The following ARHGEF10 variants were observed in gnomAD, a reference collection of about 807,000 sequenced individuals.
ARHGEF10 encodes Rho guanine nucleotide exchange factor (GEF) 10.
A neutral mutation model predicts 147.4 loss-of-function variants in ARHGEF10; 140 were observed. The observed-to-expected ratio is 0.95, with a 90% CI of 0.83 to 1.09. The LOEUF (loss-of-function observed/expected upper bound fraction) is 1.09. ARHGEF10 is among the 50% of genes least tolerant of loss of function. The pLI, the probability that ARHGEF10 is intolerant of heterozygous loss-of-function variation, is 0.00. For missense variants in ARHGEF10, 2,222 were observed against 1,752.7 expected, an observed-to-expected ratio of 1.27 and a Z score of -4.78; for synonymous variants, 902 against 695.8, an observed-to-expected ratio of 1.30 and a Z score of -4.67.
intron 18 of ARHGEF10, among the ~76,000 whole-genome samples, chr8:1,912,506 C>A (rs1206308211): frequency 5.9e-5 from 9 of 151,996 alleles, no homozygotes; most frequent in African/African-American, 2.2e-4. Context: ...AGCTCCCCAT[C>A]CCTGCAAAAG....
At chr8:1,866,100 G>T (rs907344375) in intron 5 of ARHGEF10, among the ~76,000 whole-genome samples, 1 of 152,202 alleles carries the variant, frequency 6.6e-6, no homozygotes, top group Non-Finnish European at 1.5e-5. Flanking sequence ...GGGTGGCCTT[G>T]CATCTCTTTC....
At chr8:1,860,224 T>C (rs553154533) in intron 4 of ARHGEF10, 40 bp downstream of exon 4, 1 of 1,604,946 alleles carries the variant, frequency 6.2e-7, no homozygotes, top group African/African-American at 1.3e-5. Context: ...AAGTGGCCTG[T>C]GGTTCCCTCC....
At chr8:1,849,542 AC>A (rs1804842760) in intron 2 of ARHGEF10, among the ~76,000 whole-genome samples, 1 of 130,890 alleles carries the variant, frequency 7.6e-6, no homozygotes, top group Non-Finnish European at 1.6e-5. Context: ...TGGGGCGGCC[AC>A]GTGGGCATGG....
rs567607534 is a variant in ARHGEF10 at position 1,858,015 on chromosome 8, C to T, written c.93C>T (p.Phe31=). ...NNNEEEEGEQ[F]DFDSGDEIPE... ...ATGAAGAGGAAGAGGGAGAACAGTT[C>T]GATTTTGACAGTGGAGATGAAATCC... Residue 31 remains phenylalanine (F), a synonymous_variant, in exon 3 of 29, where the codon TTC becomes TTT. Coordinates refer to ENST00000349830, the MANE Select transcript of ARHGEF10 (RefSeq NM_014629.4). 29 of 1,613,914 alleles carry T rather than the reference C, an allele frequency of 1.8e-5. No individual in the cohort carries two copies. Among genetic ancestry groups the T allele is most frequent in the Admixed American group, 3.3e-5 (2 of 59,986 alleles).
intron 4 of ARHGEF10, among the ~76,000 whole-genome samples, chr8:1,862,687 G>A (rs1057485159): frequency 6.6e-6 from 1 of 152,212 alleles, no homozygotes; most frequent in African/African-American, 2.4e-5. Context: ...GATTGCTGCT[G>A]GGCAGCACGT....
intron 15 of ARHGEF10, 72 bp downstream of exon 15, chr8:1,898,597 G>T (rs1810208799): frequency 1.4e-6 from 2 of 1,460,394 alleles, no homozygotes; most frequent in Admixed American, 3.5e-5. Context: ...AATGGCGTCT[G>T]TTCCTCCACT....
Position 1,952,729 on chromosome 8 carries a change from G to C in ARHGEF10, c.3422G>C (p.Ser1141Thr), listed in dbSNP as rs772715221. The C allele has an allele frequency of 2.5e-6, 4 of 1,613,130 alleles. No homozygotes were observed. Among genetic ancestry groups the C allele is most frequent in the African/African-American group, 2.7e-5 (2 of 74,944 alleles). ...LPGHQRLSVT[S>T]LLVCHGLLMV... ...GGGCACCAGCGGCTGTCGGTGACGA[G>C]CCTGCTCGTCTGCCACGGATTGCTG... Residue 1141 changes from serine to threonine, a missense_variant, in exon 28 of 29, where the codon AGC becomes ACC. Physicochemically the swap from Ser to Thr is moderately conservative, Grantham distance 58 (BLOSUM62 1). Coordinates refer to ENST00000349830, the MANE Select transcript of ARHGEF10 (RefSeq NM_014629.4).
chr8:1,901,449 G>C (rs1375572397), intron 15 of ARHGEF10, among the ~76,000 whole-genome samples: 2 of 152,228 alleles, frequency 1.3e-5, no homozygotes, highest in East Asian at 1.9e-4. Context: ...CCCTGGCTAT[G>C]CTGGTACTGT....
At chr8:1,955,539 G>A (rs370266520) in intron 28 of ARHGEF10, among the ~76,000 whole-genome samples, 11 of 146,026 alleles carry the variant, frequency 7.5e-5, no homozygotes, top group Admixed American at 2.0e-4. Context: ...CCTGAAAGGA[G>A]GTGCACTCTC....
chr8:1,849,193 A>T (rs189106265), intron 2 of ARHGEF10, among the ~76,000 whole-genome samples: 5 of 152,386 alleles, frequency 3.3e-5, no homozygotes, highest in Admixed American at 2.0e-4. Flanking sequence ...AGAATAGCCA[A>T]AATCCAGAAC....
intron 18 of ARHGEF10, among the ~76,000 whole-genome samples, chr8:1,917,869 G>T (rs576399258): frequency 6.6e-6 from 1 of 152,040 alleles, no homozygotes; most frequent in South Asian, 2.1e-4. Context: ...CCACCTCCTG[G>T]GTTCAGGTGA....
At chr8:1,941,869 G>A (rs1225242148) in intron 26 of ARHGEF10, among the ~76,000 whole-genome samples, 2 of 150,808 alleles carry the variant, frequency 1.3e-5, no homozygotes, top group Non-Finnish European at 2.9e-5. Flanking sequence ...TCTTCAACAG[G>A]TGCTGCTGGC....
Position 1,894,410 on chromosome 8 carries a change from G to A in ARHGEF10, c.1278G>A (p.Leu426=), listed in dbSNP as rs770892981. ...KRILEQYEKP[L]SEMEPKVLSE... is the part of the protein sequence containing the mutation. Reference sequence around the variant, plus strand: ...TGTCTTAGCAATATGAGAAGCCGCTGTCTGAGATGGAGCCAAAGGTTCTGA... The same window carrying A: ...TGTCTTAGCAATATGAGAAGCCGCTATCTGAGATGGAGCCAAAGGTTCTGA... The change falls in exon 13 of 29, where the codon CTG becomes CTA. Residue 426 remains leucine, a synonymous_variant. Coordinates refer to ENST00000349830, the MANE Select transcript of ARHGEF10 (RefSeq NM_014629.4). 1.2e-6 allele frequency: 2 copies of A among 1,614,102 alleles called. No individual in the cohort carries two copies. The highest frequency in any genetic ancestry group is 1.3e-5 in the African/African-American group (1 of 74,936).
chr8:1,880,389 C>T (rs1808085924), intron 9 of ARHGEF10, among the ~76,000 whole-genome samples: 1 of 152,226 alleles, frequency 6.6e-6, no homozygotes, highest in South Asian at 2.1e-4. Flanking sequence ...GGCTCCACAG[C>T]TGTGGCCTCA....
chr8:1,946,761 G>C (rs1442605736), intron 27 of ARHGEF10, among the ~76,000 whole-genome samples: 1 of 152,222 alleles, frequency 6.6e-6, no homozygotes, highest in African/African-American at 2.4e-5. Flanking sequence ...TCTAGAACGG[G>C]TGTGAGGCCG....
intron 5 of ARHGEF10, among the ~76,000 whole-genome samples, chr8:1,865,175 C>G (rs1412807450): frequency 6.6e-6 from 1 of 152,236 alleles, no homozygotes; most frequent in African/African-American, 2.4e-5. Context: ...TTTAAAAGTG[C>G]AAGAATGCTC....
chr8:1,909,786 C>T (rs1811222494), intron 18 of ARHGEF10, among the ~76,000 whole-genome samples: 1 of 152,178 alleles, frequency 6.6e-6, no homozygotes, highest in East Asian at 1.9e-4. Flanking sequence ...CAAATCAGGA[C>T]TTGGCAGTGC....
At chr8:1,942,320 A>G (rs1814163578) in intron 26 of ARHGEF10, among the ~76,000 whole-genome samples, 2 of 151,456 alleles carry the variant, frequency 1.3e-5, no homozygotes, top group South Asian at 4.2e-4. Context: ...ATTTCTCCAA[A>G]GAAGATGTAC....
chr8:1,861,466 C>G (rs1806126510), intron 4 of ARHGEF10, among the ~76,000 whole-genome samples: 2 of 152,122 alleles, frequency 1.3e-5, no homozygotes, highest in African/African-American at 2.4e-5. Context: ...CTTTTTTGCC[C>G]AGATCTGTTT....
Sources: allele counts gnomAD v4.1 joint callset (sites outside exome capture counted in the v4.1 genomes callset), GRCh38; gene constraint gnomAD v4.1.1; transcripts MANE v1.5; gene names NCBI Gene and HGNC (gene_info 2026-07-23, HGNC 2026-07-21).